NAA16: variants seen among roughly 807,000 people sequenced by gnomAD.
The protein encoded by NAA16 is NARG1-like protein.
NAA16 carries 97 observed loss-of-function variants against 110.3 expected under a neutral mutation model. The observed-to-expected ratio is 0.88, with a 90% CI of 0.75 to 1.04. The LOEUF (loss-of-function observed/expected upper bound fraction) is 1.04. Among genes scored for constraint, NAA16 ranks in the 50% least tolerant of loss-of-function variants. The pLI is 0.00. For synonymous variants in NAA16, 372 were observed against 330.6 expected, an observed-to-expected ratio of 1.13 and a Z score of -1.36; for missense variants, 1,017 against 1,005.1, an observed-to-expected ratio of 1.01 and a Z score of -0.16.
In NAA16 at chr13:41,325,797, A is replaced by G; in HGVS notation, c.637A>G (p.Ile213Val). ...TCTGTTGCAGGAATCTTTGGAACAT[A>G]TAGAAATGTATGAGAAACAAATATG... ...ADLLQESLEHIEMYEKQICDK... is the reference protein window; with the variant it reads ...ADLLQESLEHVEMYEKQICDK... The change falls in exon 6 of 20, where the codon ATA becomes GTA. Residue 213 changes from isoleucine to valine, a missense_variant. Coordinates refer to ENST00000379406, the MANE Select transcript of NAA16 (RefSeq NM_024561.5). 1 of 1,610,228 alleles carries G rather than the reference A, an allele frequency of 6.2e-7. No homozygotes were observed. The highest frequency in any genetic ancestry group is 2.2e-5 in the East Asian group (1 of 44,672).
At chr13:41,362,965 G>A (rs1301811692) in intron 13 of NAA16, 3 of 1,033,316 alleles carry the variant, frequency 2.9e-6, no homozygotes, top group Non-Finnish European at 3.6e-6. Flanking sequence ...AAATTTTAGG[G>A]GGTGGCTTTT....
intron 9 of NAA16, among the ~76,000 whole-genome samples, chr13:41,348,953 T>G (rs2042755762): frequency 6.6e-6 from 1 of 152,216 alleles, no homozygotes; most frequent in African/African-American, 2.4e-5. Flanking sequence ...CTGTTATTTC[T>G]ATAAAGTCAG....
Position 41,318,711 on chromosome 13 carries a change from G to A in NAA16, c.140-95G>A, listed in dbSNP as rs539600944. On this transcript the variant is annotated intron_variant, in intron 2 of 19. Coordinates refer to ENST00000379406, the MANE Select transcript of NAA16 (RefSeq NM_024561.5). ...ATTAAAAAGATGAATTGGAGCCATA[G>A]TAATCCTTCAGATCTCAACTATTAA... 54 of 497,500 alleles carry A rather than the reference G, an allele frequency of 1.1e-4. No homozygotes were observed. In the East Asian group the frequency reaches 1.9e-3, roughly 17 times the overall value. 30.8% of individuals were successfully genotyped at this position (497,500 alleles called of 1,614,324 possible).
chr13:41,351,477 G>T (rs1407545458), intron 9 of NAA16, among the ~76,000 whole-genome samples: 1 of 152,076 alleles, frequency 6.6e-6, no homozygotes, highest in African/African-American at 2.4e-5. Flanking sequence ...CTTTCATATT[G>T]CAGTGACATT....
intron 12 of NAA16, among the ~76,000 whole-genome samples, chr13:41,361,260 A>T (rs758986844): frequency 6.6e-6 from 1 of 152,238 alleles, no homozygotes; most frequent in Admixed American, 6.5e-5. Flanking sequence ...GAAATATTAA[A>T]GTAGAAGAGT....
chr13:41,313,791 T>G (rs1157906434), intron 1 of NAA16, among the ~76,000 whole-genome samples: 1 of 151,930 alleles, frequency 6.6e-6, no homozygotes, highest in Non-Finnish European at 1.5e-5. Context: ...TCTGTCTGGT[T>G]AGTAGCAAAG....
At chr13:41,321,375 C>A (rs1046080552) in intron 4 of NAA16, among the ~76,000 whole-genome samples, 2 of 152,084 alleles carry the variant, frequency 1.3e-5, no homozygotes, top group South Asian at 4.1e-4. Flanking sequence ...CAAGGTCTTG[C>A]TATGTTACCA....
At chr13:41,373,454 C>T in intron 17 of NAA16, 183 bp from the exon 18 acceptor site, 1 of 391,390 alleles carries the variant, frequency 2.6e-6, no homozygotes, top group Non-Finnish European at 3.5e-6. Context: ...GACGGGGTTT[C>T]ACCATGTTGG....
intron 12 of NAA16, 127 bp from the exon 13 acceptor site, chr13:41,361,903 CA>C: frequency 1.0e-6 from 1 of 989,112 alleles, no homozygotes; most frequent in Non-Finnish European, 1.5e-6. Flanking sequence ...TGTTTGGAAA[CA>C]TACTGATATA....
chr13:41,362,984 C>A, intron 13 of NAA16: 1 of 796,270 alleles, frequency 1.3e-6, no homozygotes, highest in Non-Finnish European at 1.6e-6. Context: ...TTGATGGGGA[C>A]TGGAACTAGA....
chr13:41,324,253 C>T (rs1382303200), intron 5 of NAA16, among the ~76,000 whole-genome samples: 4 of 151,456 alleles, frequency 2.6e-5, no homozygotes, highest in African/African-American at 9.7e-5. Context: ...AAGTTCTGAC[C>T]AAAAGATAGT....
At chr13:41,325,499 TAGAC>T (rs928577711) in intron 5 of NAA16, among the ~76,000 whole-genome samples, 195 bp from the exon 6 acceptor site, 6 of 152,176 alleles carry the variant, frequency 3.9e-5, no homozygotes, top group African/African-American at 7.2e-5. Flanking sequence ...CACTTGGGAA[TAGAC>T]AGAAGTCCCA....
At chr13:41,340,647 GTTTTTTTTTTTTTTTTTTTTTTTTTTTT>G (rs754237653) in intron 9 of NAA16, among the ~76,000 whole-genome samples, 4 of 43,538 alleles carry the variant, frequency 9.2e-5, no homozygotes, top group Non-Finnish European at 1.8e-4. Flanking sequence ...TTTTGAGTGA[GTTTTTTTTTTTTTTTTTTTTTTTTTTTT>G]TTTTTTTTTT....
At chr13:41,371,398 T>C (rs981791380) in intron 15 of NAA16, among the ~76,000 whole-genome samples, 1 of 152,014 alleles carries the variant, frequency 6.6e-6, no homozygotes, top group Admixed American at 6.6e-5. Flanking sequence ...AGCAAAAAAA[T>C]TGTACTTACA....
intron 8 of NAA16, among the ~76,000 whole-genome samples, chr13:41,333,696 TC>T (rs1484748935): frequency 6.6e-6 from 1 of 152,122 alleles, no homozygotes; most frequent in African/African-American, 2.4e-5. Flanking sequence ...GAACAAGACT[TC>T]TTTGTTCTCT....
intron 13 of NAA16, 171 bp downstream of exon 13, chr13:41,362,330 T>C: frequency 1.6e-6 from 1 of 613,938 alleles, no homozygotes; most frequent in Admixed American, 3.7e-5. Flanking sequence ...ATTGCTTTAC[T>C]GATCCTCAAG....
intron 9 of NAA16, among the ~76,000 whole-genome samples, chr13:41,348,678 C>T (rs1008490009): frequency 3.3e-5 from 5 of 151,970 alleles, no homozygotes; most frequent in African/African-American, 1.2e-4. Flanking sequence ...ATGTTCTCTC[C>T]TCTTTTTTTG....
intron 9 of NAA16, among the ~76,000 whole-genome samples, chr13:41,343,602 C>T (rs558189100): frequency 6.6e-6 from 1 of 152,308 alleles, no homozygotes; most frequent in East Asian, 1.9e-4. Context: ...ACCATCTCGG[C>T]TCACTGCAGC....
In NAA16 at chr13:41,318,845, GAAA is replaced by G. The variant is rs778160407; in HGVS notation, c.184_186del (p.Lys62del). 9 of 1,601,802 alleles carry G rather than the reference GAAA, an allele frequency of 5.6e-6. No homozygotes were observed. In the African/African-American group the frequency reaches 9.4e-5, roughly 17 times the overall value. ...AAAGGATTAACACTGAACTGTTTAG[GAAA>G]AAAAGAAGAAGCTTATGAGTTTGTT... On this transcript the variant is annotated inframe_deletion, in exon 3 of 20. Transcript: ENST00000379406.
Sources: gnomAD v4.1 joint callset for allele counts (sites outside exome capture counted in the v4.1 genomes callset) on GRCh38, gnomAD v4.1.1 for gene constraint, MANE v1.5 for transcripts, NCBI Gene and HGNC (gene_info 2026-07-23, HGNC 2026-07-21) for gene names.